The following EXT1 variants were observed in gnomAD, a reference collection of about 807,000 sequenced individuals.
EXT1 encodes the protein exostosin glycosyltransferase 1.
Under a neutral mutation model 82.5 loss-of-function variants are expected in EXT1, and 20 were observed. The ratio of observed to expected loss-of-function variants is 0.24; its 90% CI spans 0.17 to 0.35. EXT1 has a LOEUF of 0.35. Ranked by LOEUF, EXT1 falls within the 10% of genes least tolerant of loss-of-function variation. The probability of loss-of-function intolerance (pLI) is 1.00; values close to 1 mark genes in which losing one functional copy is unlikely to be tolerated. For synonymous variants in EXT1, 348 were observed against 350.8 expected, an observed-to-expected ratio of 0.99 and a Z score of 0.09; for missense variants, 757 against 936.5, an observed-to-expected ratio of 0.81 and a Z score of 2.50.
At chr8:117,887,454 C>T (rs182305527) in intron 1 of EXT1, among the ~76,000 whole-genome samples, 2 of 152,140 alleles carry the variant, frequency 1.3e-5, no homozygotes, top group African/African-American at 2.4e-5. Flanking sequence ...CAGGTTCAAG[C>T]GATCCTCCTG....
At chr8:118,027,585 CT>C (rs1816226190) in intron 1 of EXT1, among the ~76,000 whole-genome samples, 1 of 152,222 alleles carries the variant, frequency 6.6e-6, no homozygotes, top group African/African-American at 2.4e-5. Context: ...AAGCAGATTA[CT>C]TTTTGACCAC....
At chr8:117,893,301 T>G (rs1010925502) in intron 1 of EXT1, among the ~76,000 whole-genome samples, 29 of 152,162 alleles carry the variant, frequency 1.9e-4, no homozygotes, top group African/African-American at 7.0e-4. Flanking sequence ...AAGAAAAACA[T>G]GAGCATTTTC....
intron 1 of EXT1, among the ~76,000 whole-genome samples, chr8:117,996,159 G>A (rs1052839689): frequency 6.6e-6 from 1 of 152,046 alleles, no homozygotes; most frequent in Admixed American, 6.6e-5. Context: ...CTCGCCCTTG[G>A]AACCCAGCCA....
intron 1 of EXT1, among the ~76,000 whole-genome samples, chr8:118,023,643 T>C (rs528144988): frequency 6.6e-6 from 1 of 152,336 alleles, no homozygotes; most frequent in South Asian, 2.1e-4. Flanking sequence ...TAGAAATTAA[T>C]CTTTCTGTCC....
At position 118,096,672 on chromosome 8, in the gene EXT1, AAGGG is replaced by A. The variant is rs796920684; in HGVS notation, c.962+13409_962+13412del. ...GAAGGAAGGAAGGAAGGAAGGAAGG[AAGGG>A]AGGGAGGGAGGGAGGGAAGGAGGGA... On this transcript the variant is annotated intron_variant, in intron 1 of 10. Transcript: ENST00000378204. 3.1e-4 allele frequency among the ~76,000 whole-genome samples: 28 copies of A among 90,610 alleles called. 1 individual carries two copies. Among genetic ancestry groups the A allele is most frequent in the East Asian group, 1.5e-3 (5 of 3,302 alleles). The allele number at this position is 90,610 out of a possible 152,430, so 59.4% of individuals were successfully genotyped here. A position where few individuals can be genotyped will look rare whatever the true frequency, so the allele number is the denominator to read the frequency against.
rs113437882 is a variant in EXT1, at chr8:118,074,785, G to A, written c.962+35300C>T. Among the ~76,000 whole-genome samples, 55 of 152,258 alleles carry A rather than the reference G, an allele frequency of 3.6e-4. 1 individual carries two copies. Among genetic ancestry groups the A allele is most frequent in the South Asian group, 2.3e-3 (11 of 4,826 alleles). ...ATATTCATGACAGCAGCTTTGCTAA[G>A]GCTAATGGAAAGCATATAAATCCCT... On this transcript the variant is annotated intron_variant, in intron 1 of 10. Transcript: ENST00000378204.
intron 1 of EXT1, among the ~76,000 whole-genome samples, chr8:118,016,654 G>A (rs1416654800): frequency 6.6e-6 from 1 of 152,218 alleles, no homozygotes; most frequent in Non-Finnish European, 1.5e-5. Context: ...CTTCTGCTCT[G>A]CATTATGCTC....
chr8:118,099,772 G>A (rs1408857075), intron 1 of EXT1, among the ~76,000 whole-genome samples: 1 of 152,212 alleles, frequency 6.6e-6, no homozygotes, highest in African/African-American at 2.4e-5. Context: ...GCTTAGATAT[G>A]AGTTGCTGTT....
At chr8:118,045,798 T>C (rs1816613411) in intron 1 of EXT1, among the ~76,000 whole-genome samples, 2 of 151,714 alleles carry the variant, frequency 1.3e-5, no homozygotes, top group African/African-American at 2.4e-5. Flanking sequence ...TGTCTTTTTT[T>C]TTTCTTTTCT....
At chr8:117,854,009 C>A (rs1183641221) in intron 1 of EXT1, among the ~76,000 whole-genome samples, 1 of 152,256 alleles carries the variant, frequency 6.6e-6, no homozygotes, top group East Asian at 1.9e-4. Flanking sequence ...AGGAAGAACG[C>A]CCAGGAGCGC....
chr8:117,843,163 T>A (rs1307061505), intron 1 of EXT1, among the ~76,000 whole-genome samples: 1 of 152,172 alleles, frequency 6.6e-6, no homozygotes, highest in South Asian at 2.1e-4. Context: ...CTAAAGTGCA[T>A]GGGGATGAGA....
chr8:117,909,718 C>T (rs777178232), intron 1 of EXT1, among the ~76,000 whole-genome samples: 6 of 152,034 alleles, frequency 3.9e-5, no homozygotes, highest in Admixed American at 6.6e-5. Flanking sequence ...CCACCATTTC[C>T]CAGTTCATTT....
intron 1 of EXT1, among the ~76,000 whole-genome samples, chr8:117,914,655 G>A (rs1052852213): frequency 7.2e-5 from 11 of 152,232 alleles, no homozygotes; most frequent in South Asian, 4.2e-4. Flanking sequence ...TATCTTATGC[G>A]GTTGAGATAA....
chr8:118,059,221 T>C (rs998557122), intron 1 of EXT1, among the ~76,000 whole-genome samples: 7 of 152,168 alleles, frequency 4.6e-5, no homozygotes, highest in African/African-American at 7.2e-5. Context: ...CACGGCAGTA[T>C]AGTCCTAAGG....
intron 10 of EXT1, among the ~76,000 whole-genome samples, chr8:117,803,858 T>C (rs1295116930): frequency 1.3e-5 from 2 of 152,206 alleles, no homozygotes; most frequent in Non-Finnish European, 2.9e-5. Flanking sequence ...ATTTCACCAT[T>C]TCCATGTTAA....
intron 1 of EXT1, among the ~76,000 whole-genome samples, chr8:118,060,331 C>T (rs993746422): frequency 9.2e-5 from 14 of 152,268 alleles, no homozygotes; most frequent in East Asian, 7.7e-4. Flanking sequence ...CCGACTTTTT[C>T]GAATGTTTGA....
At chr8:117,809,208 TG>T (rs1823279314) in intron 8 of EXT1, among the ~76,000 whole-genome samples, 1 of 112,192 alleles carries the variant, frequency 8.9e-6, no homozygotes, top group Non-Finnish European at 1.8e-5. Context: ...TATATGTGTG[TG>T]TGTGTATAAA....
chr8:117,858,758 A>C (rs186818956), intron 1 of EXT1, among the ~76,000 whole-genome samples: 1,032 of 54,728 alleles, frequency 0.019, 58 homozygotes, highest in African/African-American at 0.057. Context: ...GGAAGGAAGG[A>C]AGGAAGGAAG....
intron 1 of EXT1, among the ~76,000 whole-genome samples, chr8:118,070,224 T>TTC (rs1554598461): frequency 1.6e-5 from 2 of 121,510 alleles, no homozygotes; most frequent in Non-Finnish European, 3.3e-5. Flanking sequence ...CATCATAAAT[T>TTC]TCTGTGTGTG....
Sources: gnomAD v4.1 joint callset for allele counts (sites outside exome capture counted in the v4.1 genomes callset) on GRCh38, gnomAD v4.1.1 for gene constraint, MANE v1.5 for transcripts, NCBI Gene and HGNC (gene_info 2026-07-23, HGNC 2026-07-21) for gene names.